Variants in DNAI1 observed in about 807,000 individuals in gnomAD.
DNAI1 encodes dynein axonemal intermediate chain 1.
DNAI1 carries 67 observed loss-of-function variants against 92.0 expected under a neutral mutation model. That is an observed-to-expected ratio of 0.73 (90% CI 0.60 to 0.89). The LOEUF is 0.89. DNAI1 is among the 40% of genes least tolerant of loss of function. The probability of loss-of-function intolerance (pLI) is 0.00; values close to 1 mark genes in which losing one functional copy is unlikely to be tolerated. For synonymous variants in DNAI1, 323 were observed against 319.6 expected, an observed-to-expected ratio of 1.01 and a Z score of -0.11; for missense variants, 839 against 866.6, an observed-to-expected ratio of 0.97 and a Z score of 0.40.
chr9:34,513,191 G>A lies in DNAI1; in HGVS notation c.1569G>A (p.Lys523=). 1.9e-6 allele frequency: 3 copies of A among 1,613,820 alleles called. No individual in the cohort carries two copies. Among genetic ancestry groups the A allele is most frequent in the Non-Finnish European group, 2.5e-6 (3 of 1,179,696 alleles). ...GCACAGAGGAGGGAAAAATCTACAA[G>A]GTGAGGCTGCCCTGTGCCAGCTCCT... ...LVGTEEGKIY[K]CSKSYSSQFL... is the part of the protein sequence containing the mutation. The change falls in exon 16 of 20, where the codon AAG becomes AAA. Residue 523 remains lysine (K), a splice_region_variant and synonymous_variant. Transcript: ENST00000242317.
chr9:34,515,294 T>G (rs978786546), intron 18 of DNAI1, among the ~76,000 whole-genome samples: 2 of 152,220 alleles, frequency 1.3e-5, no homozygotes, highest in African/African-American at 2.4e-5. Context: ...AAGCACTGGC[T>G]GCCCCAAGGA....
Position 34,514,516 on chromosome 9 carries a change from A to G in DNAI1, c.1692A>G (p.Thr564=), listed in dbSNP as rs778444720. The G allele has an allele frequency of 3.7e-6, 6 of 1,614,098 alleles. No homozygotes were observed. The highest frequency in any genetic ancestry group is 5.1e-6 in the Non-Finnish European group (6 of 1,180,050). The change falls in exon 17 of 20, where the codon ACA becomes ACG. Residue 564 remains threonine (T), a synonymous_variant. Coordinates refer to ENST00000242317, the MANE Select transcript of DNAI1 (RefSeq NM_012144.4). Reference sequence around the variant, plus strand: ...TCATGTCCTGCAGCTCCGACTGGACAGTGAAGATCTGGGACCACACCATCA... The same window carrying G: ...TCATGTCCTGCAGCTCCGACTGGACGGTGAAGATCTGGGACCACACCATCA... ...KVFMSCSSDW[T]VKIWDHTIKT... is the part of the protein sequence containing the mutation.
chr9:34,469,811 C>T (rs1377296359), intron 1 of DNAI1, among the ~76,000 whole-genome samples: 1 of 152,118 alleles, frequency 6.6e-6, no homozygotes, highest in Non-Finnish European at 1.5e-5. Flanking sequence ...AACTCCAGGC[C>T]TCAAGTGATC....
In DNAI1 at chr9:34,514,354, C is replaced by A. The variant is rs372997908; in HGVS notation, c.1570-40C>A. Reference sequence around the variant, plus strand: ...CCCCCAGGGAAGTGGTGGCTGCTGACCTTTCTCTCACTTCTGACCCCCGTT... The same window carrying A: ...CCCCCAGGGAAGTGGTGGCTGCTGAACTTTCTCTCACTTCTGACCCCCGTT... On this transcript the variant is annotated intron_variant, in intron 16 of 19. Coordinates refer to ENST00000242317, the MANE Select transcript of DNAI1 (RefSeq NM_012144.4). 271 of 1,609,608 alleles carry A rather than the reference C, an allele frequency of 1.7e-4. No individual in the cohort carries two copies. In the African/African-American group the frequency reaches 3.3e-3, roughly 20 times the overall value.
intron 1 of DNAI1, among the ~76,000 whole-genome samples, chr9:34,471,169 G>A (rs149005757): frequency 0.017 from 2,615 of 152,240 alleles, 40 homozygotes; most frequent in East Asian, 0.04. Flanking sequence ...GCTCATGCCT[G>A]TAATCCCAGC....
chr9:34,486,786 A>C lies in DNAI1; in HGVS notation c.261+1269A>C, dbSNP rs377096413. Among the ~76,000 whole-genome samples the C allele has an allele frequency of 8.5e-5, 13 of 152,258 alleles. No homozygotes were observed. In the East Asian group the frequency reaches 2.3e-3, roughly 27 times the overall value. On this transcript the variant is annotated intron_variant, in intron 4 of 19. Coordinates refer to ENST00000242317, the MANE Select transcript of DNAI1 (RefSeq NM_012144.4). ...CTTAGCTGTTCCCCCTCAGTCTTCC[A>C]TCCCTTCCAGCCCTCAGCAACCACT...
chr9:34,474,567 C>CTTTT (rs55701117), intron 1 of DNAI1, among the ~76,000 whole-genome samples: 13 of 107,854 alleles, frequency 1.2e-4, no homozygotes, highest in Non-Finnish European at 2.0e-4. Flanking sequence ...TTTTTTTTTC[C>CTTTT]TTTTTTTTTT....
chr9:34,493,619 T>C (rs1244214429), intron 9 of DNAI1, among the ~76,000 whole-genome samples: 1 of 151,944 alleles, frequency 6.6e-6, no homozygotes, highest in African/African-American at 2.4e-5. Flanking sequence ...CTATATGCCT[T>C]CTGGAAGAGC....
intron 18 of DNAI1, among the ~76,000 whole-genome samples, chr9:34,517,084 C>T (rs1825182629): frequency 2.6e-5 from 4 of 152,230 alleles, no homozygotes; most frequent in Middle Eastern, 6.8e-3. Flanking sequence ...TTTAAAATTT[C>T]TCCTAAACTT....
At chr9:34,506,535 G>C in intron 12 of DNAI1, 92 bp from the exon 13 acceptor site, 1 of 1,570,794 alleles carries the variant, frequency 6.4e-7, no homozygotes, top group Non-Finnish European at 8.7e-7. Flanking sequence ...AGCAGGGCAG[G>C]GCTTGCCCAC....
Position 34,520,728 on chromosome 9 carries a change from T to A in DNAI1, c.2072T>A (p.Leu691Gln), listed in dbSNP as rs1194440189. ...EIAKLDKLLN[L>Q]VREVKIKT ...GCGAAACTGGACAAACTGCTGAACC[T>A]GGTGAGGGAAGTGAAAATCAAGACC... The change falls in exon 20 of 20, where the codon CTG becomes CAG. Residue 691 changes from leucine (L) to glutamine (Q), a missense_variant. By Grantham distance (113) the Leu-to-Gln change is moderately radical. Transcript: ENST00000242317. 1 of 1,551,640 alleles carries A rather than the reference T, an allele frequency of 6.4e-7. No individual in the cohort carries two copies. Among genetic ancestry groups the A allele is most frequent in the Admixed American group, 2.0e-5 (1 of 50,998 alleles).
chr9:34,471,447 C>T (rs962148510), intron 1 of DNAI1, among the ~76,000 whole-genome samples: 1 of 83,988 alleles, frequency 1.2e-5, no homozygotes, highest in Non-Finnish European at 2.4e-5. Context: ...ACCACCACCA[C>T]AAAAAAAAAA....
At chr9:34,502,181 T>C (rs1038329600) in intron 12 of DNAI1, among the ~76,000 whole-genome samples, 1 of 152,194 alleles carries the variant, frequency 6.6e-6, no homozygotes, top group African/African-American at 2.4e-5. Context: ...AGTGGGTGTT[T>C]GTCATTCCTC....
At chr9:34,472,815 T>C (rs1824165537) in intron 1 of DNAI1, among the ~76,000 whole-genome samples, 1 of 151,710 alleles carries the variant, frequency 6.6e-6, no homozygotes, top group Non-Finnish European at 1.5e-5. Flanking sequence ...AGCAGGAGGA[T>C]CCCTTGAGCC....
chr9:34,480,439 G>A (rs1238443012), intron 1 of DNAI1, among the ~76,000 whole-genome samples: 1 of 151,602 alleles, frequency 6.6e-6, no homozygotes, highest in African/African-American at 2.4e-5. Context: ...CACCACACCC[G>A]GCTAATTTTT....
intron 5 of DNAI1, 74 bp downstream of exon 5, chr9:34,489,523 C>A: frequency 6.4e-7 from 1 of 1,565,748 alleles, no homozygotes; most frequent in Non-Finnish European, 8.8e-7. Context: ...AGGGAGTATA[C>A]CTCTAAGCCA....
At chr9:34,494,804 AG>A (rs1204443228) in intron 9 of DNAI1, among the ~76,000 whole-genome samples, 1 of 152,168 alleles carries the variant, frequency 6.6e-6, no homozygotes, top group Admixed American at 6.5e-5. Context: ...CATGGGAGGC[AG>A]GACACCCTCC....
At chr9:34,491,584 T>TA (rs778973954) in intron 8 of DNAI1, 30 bp downstream of exon 8, 1 of 1,613,130 alleles carries the variant, frequency 6.2e-7, no homozygotes, top group African/African-American at 1.3e-5. Context: ...TGAAACCTCT[T>TA]ACCACCCACC....
intron 12 of DNAI1, among the ~76,000 whole-genome samples, chr9:34,502,411 G>T (rs996470190): frequency 1.3e-5 from 2 of 152,134 alleles, no homozygotes; most frequent in African/African-American, 4.8e-5. Context: ...GCCCTCCCAG[G>T]AGTGGGTGTG....
Sources: gnomAD v4.1 joint callset for allele counts (sites outside exome capture counted in the v4.1 genomes callset) on GRCh38, gnomAD v4.1.1 for gene constraint, MANE v1.5 for transcripts, NCBI Gene and HGNC (gene_info 2026-07-23, HGNC 2026-07-21) for gene names.